The following PDE2A variants were observed in gnomAD, a reference collection of about 807,000 sequenced individuals.
The protein encoded by PDE2A is cGMP-dependent 3',5'-cyclic phosphodiesterase.
A neutral mutation model predicts 133.6 loss-of-function variants in PDE2A; 53 were observed. The observed-to-expected ratio is 0.40, with a 90% CI of 0.32 to 0.50. PDE2A has a LOEUF of 0.50. Among genes scored for constraint, PDE2A ranks in the 20% least tolerant of loss-of-function variants. The pLI is 0.73. For synonymous variants in PDE2A, 491 were observed against 490.2 expected, an observed-to-expected ratio of 1.00 and a Z score of -0.02; for missense variants, 796 against 1,232.4, an observed-to-expected ratio of 0.65 and a Z score of 5.30.
rs775039053 is a variant in PDE2A, at chr11:72,578,460, G to A, written c.2508+16C>T. On this transcript the variant is annotated intron_variant, in intron 29 of 30. Transcript: ENST00000334456. This position sits in a 1 kb window ranked among gnomAD's most constrained non-coding sequence, Gnocchi z 4.2. ...CCTCCCCCATCCTGGACATCCTGGG[G>A]TCACTCCACACATACCAGGTCTCCC... The A allele has an allele frequency of 6.2e-7, 1 of 1,611,312 alleles. No homozygotes were observed. Among genetic ancestry groups the A allele is most frequent in the Non-Finnish European group, 8.5e-7 (1 of 1,177,426 alleles).
intron 2 of PDE2A, among the ~76,000 whole-genome samples, chr11:72,620,202 G>A (rs1343485605): frequency 6.6e-6 from 1 of 152,184 alleles, no homozygotes; most frequent in Non-Finnish European, 1.5e-5. Context: ...GAACTAGAGG[G>A]TCTCTGATTA....
rs547141642 is a variant in PDE2A, at chr11:72,592,753, T to C, written c.490-1397A>G. 1.1e-3 allele frequency among the ~76,000 whole-genome samples: 165 copies of C among 151,798 alleles called. 1 individual carries two copies. Among genetic ancestry groups the C allele is most frequent in the Non-Finnish European group, 1.6e-3 (110 of 67,908 alleles). On this transcript the variant is annotated intron_variant, in intron 6 of 30. Transcript: ENST00000334456. The stretch of plus-strand genomic sequence containing the variant: ...TTTAGCATCTGAGGGCCACTGTCTG[T>C]GGGGTGTAGGGTGAATTTGAGGGAG...
At chr11:72,650,286 G>A (rs1854695247) in intron 1 of PDE2A, among the ~76,000 whole-genome samples, 1 of 151,962 alleles carries the variant, frequency 6.6e-6, no homozygotes, top group African/African-American at 2.4e-5. Context: ...GCCTCCCAAA[G>A]TGCTGGGATT....
chr11:72,642,490 C>G (rs1332512188), intron 1 of PDE2A, 164 bp from the exon 2 acceptor site: 4 of 694,778 alleles, frequency 5.8e-6, no homozygotes, highest in Non-Finnish European at 7.0e-6. Flanking sequence ...CGGCCCGCCC[C>G]CCGCCCGCCC....
chr11:72,603,849 C>A lies in PDE2A; in HGVS notation c.323+1289G>T, dbSNP rs1041128209. ...TGGGAAGGTGGCTATCAGAGCAGAA[C>A]CAACTCCTTCCACGGGAAAGGGCTG... On this transcript the variant is annotated intron_variant, in intron 4 of 30. Transcript: ENST00000334456. Among the ~76,000 whole-genome samples, 4 of 152,176 alleles carry A rather than the reference C, an allele frequency of 2.6e-5. No individual in the cohort carries two copies. In the East Asian group the frequency reaches 7.7e-4, roughly 29 times the overall value.
At chr11:72,613,958 G>A (rs116162154) in intron 2 of PDE2A, among the ~76,000 whole-genome samples, 1,534 of 152,280 alleles carry the variant, frequency 0.01, 24 homozygotes, top group African/African-American at 0.035. Flanking sequence ...AAGCACAGCC[G>A]CCCAGTCAGG....
chr11:72,647,197 C>T (rs549496217), intron 1 of PDE2A, among the ~76,000 whole-genome samples: 1 of 152,346 alleles, frequency 6.6e-6, no homozygotes, highest in South Asian at 2.1e-4. Flanking sequence ...CCCATGACCA[C>T]ATGTCTTGCT....
chr11:72,654,957 G>A (rs781055796), intron 1 of PDE2A, among the ~76,000 whole-genome samples: 12 of 152,018 alleles, frequency 7.9e-5, no homozygotes, highest in African/African-American at 9.7e-5. Flanking sequence ...AGGGCAGGGC[G>A]GGATGGTAGC....
intron 4 of PDE2A, chr11:72,598,761 G>A (rs1214405754): frequency 1.0e-6 from 1 of 985,286 alleles, no homozygotes; most frequent in Non-Finnish European, 1.2e-6. Context: ...AAGAGGTTGA[G>A]CATCTCGTTC....
rs1406451810 is a variant in PDE2A at position 72,578,597 on chromosome 11, A to G, written c.2470-83T>C. ...TCTGACAGCCCGTTCCCAGGAGAGAAAACTGAGGCCCAGGGATTCAGTCCC... is the reference window on the plus strand; with the variant it reads ...TCTGACAGCCCGTTCCCAGGAGAGAGAACTGAGGCCCAGGGATTCAGTCCC... On this transcript the variant is annotated intron_variant, in intron 28 of 30. Transcript: ENST00000334456. The surrounding 1 kb of genome is among the most constrained non-coding windows in gnomAD (Gnocchi z 4.2). The G allele has an allele frequency of 8.3e-7, 1 of 1,205,076 alleles. No individual in the cohort carries two copies. The highest frequency in any genetic ancestry group is 1.7e-5 in the Admixed American group (1 of 58,820). 74.6% of individuals were successfully genotyped at this position (1,205,076 alleles called of 1,614,324 possible). A position where few individuals can be genotyped will look rare whatever the true frequency, so the allele number is the denominator to read the frequency against.
chr11:72,584,149 C>A, intron 19 of PDE2A, 52 bp downstream of exon 19: 1 of 876,484 alleles, frequency 1.1e-6, no homozygotes, highest in South Asian at 1.5e-5. Flanking sequence ...GAGGGTCCTT[C>A]GTGGGCCCCG....
chr11:72,600,893 G>A (rs1357260121), intron 4 of PDE2A, among the ~76,000 whole-genome samples: 3 of 152,012 alleles, frequency 2.0e-5, no homozygotes, highest in Non-Finnish European at 2.9e-5. Context: ...TGGCAGTTCC[G>A]TCCCTTTAAC....
rs779556575 is a variant in PDE2A at position 72,590,514 on chromosome 11, C to G, written c.616G>C (p.Val206Leu). 2.2e-5 allele frequency: 32 copies of G among 1,481,234 alleles called. No individual in the cohort carries two copies. The highest frequency in any genetic ancestry group is 2.8e-5 in the Non-Finnish European group (31 of 1,121,208). The allele number at this position is 1,481,234 out of a possible 1,614,324, so 91.8% of individuals were successfully genotyped here. Residue 206 changes from valine (V) to leucine (L), a missense_variant, in exon 8 of 31, where the codon GTC becomes CTC. By Grantham distance (32) the Val-to-Leu change is conservative. This residue lies in a region of PDE2A where 417 missense variants were observed against 475.3 expected (regional missense o/e 0.88). Coordinates refer to ENST00000334456, the MANE Select transcript of PDE2A (RefSeq NM_002599.5). The surrounding 1 kb of genome is among the most constrained non-coding windows in gnomAD (Gnocchi z 4.8). ...GCCGTCCCCTCCGGGGGGTTCTGGACGGCTCGGGGAGCCTCCCTGGGCCCG... is the reference window on the plus strand; with the variant it reads ...GCCGTCCCCTCCGGGGGGTTCTGGAGGGCTCGGGGAGCCTCCCTGGGCCCG... Reference protein sequence around the residue: ...QRGPREAPRAVQNPPEGTAED... With the variant: ...QRGPREAPRALQNPPEGTAED...
chr11:72,631,102 TGGGGGTCCTGGCTCCTTTGCAA>T, intron 2 of PDE2A: 3 of 1,489,964 alleles, frequency 2.0e-6, no homozygotes, highest in Non-Finnish European at 2.7e-6. Flanking sequence ...CTCTACTCCC[TGGGGGTCCTGGCTCCTTTGCAA>T]GGGGGTCCAG....
intron 2 of PDE2A, among the ~76,000 whole-genome samples, chr11:72,626,385 C>A (rs550273718): frequency 6.6e-6 from 1 of 152,342 alleles, no homozygotes; most frequent in Admixed American, 6.5e-5. Context: ...CCTCAGGACC[C>A]CCATGGATGC....
intron 1 of PDE2A, among the ~76,000 whole-genome samples, chr11:72,661,374 C>T (rs565957786): frequency 6.6e-6 from 1 of 152,196 alleles, no homozygotes; most frequent in Admixed American, 6.5e-5. Context: ...CACAGCTATT[C>T]CTAACTCATT....
At chr11:72,655,885 C>A (rs907858) in intron 1 of PDE2A, among the ~76,000 whole-genome samples, 63,725 of 152,022 alleles carry the variant, frequency 0.42, 14,788 homozygotes, top group Middle Eastern at 0.65. Flanking sequence ...ACCCTCGGGC[C>A]CCCCAGAGTG....
intron 13 of PDE2A, chr11:72,587,898 G>A (rs780626417): frequency 3.3e-5 from 5 of 152,250 alleles, no homozygotes; most frequent in Non-Finnish European, 5.9e-5. Context: ...CCTCAGGCCC[G>A]GGCTCTGACA....
intron 13 of PDE2A, among the ~76,000 whole-genome samples, chr11:72,587,039 A>G (rs2135294533): frequency 6.6e-6 from 1 of 152,138 alleles, no homozygotes; most frequent in South Asian, 2.1e-4. Flanking sequence ...CAGCCACACA[A>G]AGATCCTCAT....
Sources: gnomAD v4.1 joint callset for allele counts (sites outside exome capture counted in the v4.1 genomes callset) on GRCh38, gnomAD v4.1.1 for gene constraint, gnomAD v4.1.1 regional missense constraint, Gnocchi (gnomAD v3.1) non-coding constraint, MANE v1.5 for transcripts, NCBI Gene and HGNC (gene_info 2026-07-23, HGNC 2026-07-21) for gene names.